SSBP2: variants seen among roughly 807,000 people sequenced by gnomAD.
SSBP2 encodes single-stranded DNA-binding protein 2.
Under a neutral mutation model 61.8 loss-of-function variants are expected in SSBP2, and 17 were observed. The observed-to-expected ratio is 0.28, with a 90% CI of 0.19 to 0.41. The LOEUF (loss-of-function observed/expected upper bound fraction) is 0.41. Ranked by LOEUF, SSBP2 falls within the 10% of genes least tolerant of loss-of-function variation. The pLI is 1.00. For synonymous variants in SSBP2, 139 were observed against 141.3 expected (o/e 0.98, Z 0.12); for missense variants, 310 against 458.7 (o/e 0.68, Z 2.96).
intron 4 of SSBP2, among the ~76,000 whole-genome samples, chr5:81,605,086 A>C (rs1178232656): frequency 1.3e-5 from 2 of 152,082 alleles, no homozygotes; most frequent in Non-Finnish European, 2.9e-5. Context: ...AGAATATCTA[A>C]ACTACAAAAA....
chr5:81,637,054 G>A (rs1748304841), intron 2 of SSBP2, among the ~76,000 whole-genome samples: 3 of 152,190 alleles, frequency 2.0e-5, no homozygotes, highest in Admixed American at 6.5e-5. Context: ...TCCTGTGAGG[G>A]TGACCCCAGC....
chr5:81,569,986 T>C (rs1022588281), intron 4 of SSBP2, among the ~76,000 whole-genome samples: 19 of 152,254 alleles, frequency 1.2e-4, no homozygotes, highest in Admixed American at 6.5e-4. Flanking sequence ...TACTTTAAGA[T>C]AAAACTTAAA....
chr5:81,475,564 A>T (rs1225648424), intron 6 of SSBP2, among the ~76,000 whole-genome samples: 3 of 152,066 alleles, frequency 2.0e-5, no homozygotes, highest in African/African-American at 7.2e-5. Flanking sequence ...ATTTCTTGCC[A>T]CTTTCATGCT....
rs7722130 is a variant in SSBP2 at position 81,571,121 on chromosome 5, A to G, written c.282+44352T>C. Among the ~76,000 whole-genome samples the G allele has an allele frequency of 1.8e-3, 278 of 152,312 alleles. 2 individuals carry two copies. Among genetic ancestry groups the G allele is most frequent in the African/African-American group, 6.3e-3 (264 of 41,578 alleles). On this transcript the variant is annotated intron_variant, in intron 4 of 16. Transcript: ENST00000320672. ...TTTGTGGAGCAAACATACAGTTTCT[A>G]CTTAGCTTTTAGATGACACTATTTT...
chr5:81,612,562 C>T (rs536884209), intron 4 of SSBP2, among the ~76,000 whole-genome samples: 5 of 152,040 alleles, frequency 3.3e-5, no homozygotes, highest in African/African-American at 1.2e-4. Flanking sequence ...CATTATTTAC[C>T]TCATTATGCC....
chr5:81,509,676 A>G (rs1768446874), intron 5 of SSBP2, among the ~76,000 whole-genome samples: 1 of 152,176 alleles, frequency 6.6e-6, no homozygotes, highest in Non-Finnish European at 1.5e-5. Flanking sequence ...TGAATAGAGG[A>G]AAAAAGTACT....
At chr5:81,713,583 T>G (rs965766973) in intron 1 of SSBP2, among the ~76,000 whole-genome samples, 1 of 152,182 alleles carries the variant, frequency 6.6e-6, no homozygotes, top group Non-Finnish European at 1.5e-5. Context: ...ACTTAAAAGA[T>G]GTACATCGCC....
At chr5:81,651,959 G>A (rs748091918) in intron 1 of SSBP2, among the ~76,000 whole-genome samples, 46 of 152,146 alleles carry the variant, frequency 3.0e-4, no homozygotes, top group Admixed American at 5.2e-4. Flanking sequence ...TGGCAGTTCT[G>A]CCCCACTGCC....
intron 1 of SSBP2, among the ~76,000 whole-genome samples, chr5:81,687,835 G>T (rs1752931530): frequency 6.6e-6 from 1 of 152,202 alleles, no homozygotes; most frequent in Non-Finnish European, 1.5e-5. Flanking sequence ...CTTGGGGCCT[G>T]AATAATCAGC....
chr5:81,665,883 G>T (rs1307920498), intron 1 of SSBP2, among the ~76,000 whole-genome samples: 3 of 152,144 alleles, frequency 2.0e-5, no homozygotes, highest in Non-Finnish European at 4.4e-5. Context: ...ACTTATCAAT[G>T]TCCAAATGTG....
At chr5:81,561,969 A>G (rs1371781328) in intron 4 of SSBP2, among the ~76,000 whole-genome samples, 5 of 152,156 alleles carry the variant, frequency 3.3e-5, no homozygotes, top group African/African-American at 1.2e-4. Flanking sequence ...CAATGGCACA[A>G]TCTTGGCTCA....
chr5:81,748,400 T>C (rs1757491486), intron 1 of SSBP2, among the ~76,000 whole-genome samples: 1 of 152,216 alleles, frequency 6.6e-6, no homozygotes, highest in Non-Finnish European at 1.5e-5. Flanking sequence ...TCAAGATTCC[T>C]ACCTTCAGAT....
chr5:81,583,158 A>C (rs1332465533), intron 4 of SSBP2, among the ~76,000 whole-genome samples: 2 of 152,148 alleles, frequency 1.3e-5, no homozygotes, highest in Non-Finnish European at 2.9e-5. Context: ...TGGAGGCTGC[A>C]GTGAGCTATG....
intron 15 of SSBP2, among the ~76,000 whole-genome samples, chr5:81,433,247 A>G (rs1309923603): frequency 2.0e-5 from 3 of 152,092 alleles, no homozygotes; most frequent in African/African-American, 7.2e-5. Context: ...GAGACTTTTC[A>G]TTTTGTTCTA....
intron 4 of SSBP2, among the ~76,000 whole-genome samples, chr5:81,513,925 T>C (rs1255631112): frequency 6.6e-6 from 1 of 152,198 alleles, no homozygotes; most frequent in Non-Finnish European, 1.5e-5. Context: ...TCTTTAAACT[T>C]TGTGAAGTCA....
At chr5:81,444,827 A>T (rs1336449199) in intron 12 of SSBP2, among the ~76,000 whole-genome samples, 1 of 151,990 alleles carries the variant, frequency 6.6e-6, no homozygotes, top group African/African-American at 2.4e-5. Context: ...GAGAGAGATA[A>T]GATTGGTATT....
chr5:81,654,251 G>A (rs553220162), intron 1 of SSBP2, among the ~76,000 whole-genome samples: 2 of 152,142 alleles, frequency 1.3e-5, no homozygotes, highest in South Asian at 2.1e-4. Flanking sequence ...AGGCATGAGC[G>A]ACTGGACCTA....
chr5:81,558,273 A>C (rs2153401289), intron 4 of SSBP2, among the ~76,000 whole-genome samples: 1 of 152,294 alleles, frequency 6.6e-6, no homozygotes, highest in Non-Finnish European at 1.5e-5. Flanking sequence ...TGGCTATCAC[A>C]AATTAACAAA....
At position 81,420,340 on chromosome 5, in the gene SSBP2, C is replaced by T. The variant is rs943061355; in HGVS notation, c.*164G>A. On this transcript the variant is annotated 3_prime_UTR_variant, in exon 17 of 17. Coordinates refer to ENST00000320672, the MANE Select transcript of SSBP2 (RefSeq NM_012446.5). ...CAGTTGTTTGAATCACATTTGGACC[C>T]GCTTTCTTCACAAAAGAGGGGAGAG... is the stretch of plus-strand genomic sequence containing the variant. The T allele has an allele frequency of 1.2e-5, 8 of 663,210 alleles. No individual in the cohort carries two copies. Among genetic ancestry groups the T allele is most frequent in the Admixed American group, 8.1e-5 (3 of 36,828 alleles). 41.1% of individuals were successfully genotyped at this position (663,210 alleles called of 1,614,324 possible).
Sources: allele counts gnomAD v4.1 joint callset (sites outside exome capture counted in the v4.1 genomes callset), GRCh38; gene constraint gnomAD v4.1.1; transcripts MANE v1.5; gene names NCBI Gene and HGNC (gene_info 2026-07-23, HGNC 2026-07-21).